OTOGL: variants seen among roughly 807,000 people sequenced by gnomAD.
OTOGL encodes the protein otogelin like.
In OTOGL, 285 loss-of-function variants were observed where a neutral mutation model predicts 318.5. The ratio of observed to expected loss-of-function variants is 0.89; its 90% CI spans 0.81 to 0.99. The LOEUF (loss-of-function observed/expected upper bound fraction) is 0.99, where lower values mean the gene tolerates loss of function less well. OTOGL is among the 50% of genes least tolerant of loss of function. The pLI is 0.00. For missense variants in OTOGL, 2,899 were observed against 2,845.6 expected (o/e 1.02, Z -0.43); for synonymous variants, 987 against 936.5 (o/e 1.05, Z -0.99).
In OTOGL at chr12:80,320,610, T is replaced by G; in HGVS notation, c.3991T>G (p.Phe1331Val). Residue 1331 changes from phenylalanine (F) to valine (V), a missense_variant, in exon 34 of 59, where the codon TTT becomes GTT. Around this residue, in one of 3 missense-constraint regions of OTOGL, gnomAD observed 2,607 missense variants for 2,524.9 expected, o/e 1.03. Transcript: ENST00000547103. The stretch of plus-strand genomic sequence containing the variant: ...ATTTGAGTTATACAGCAAGAAAGGC[T>G]TTTTCATCATATTCACAGATTCTAG... ...SAFELYSKKG[F>V]FIIFTDSSVK... is the part of the protein sequence containing the mutation. 1 of 1,612,054 alleles carries G rather than the reference T, an allele frequency of 6.2e-7. No individual in the cohort carries two copies. The highest frequency in any genetic ancestry group is 1.1e-5 in the South Asian group (1 of 90,772).
intron 20 of OTOGL, chr12:80,266,046 T>C (rs1377575464): frequency 6.4e-6 from 1 of 156,226 alleles, no homozygotes; most frequent in Non-Finnish European, 1.4e-5. Flanking sequence ...GGTTGACAAG[T>C]TACAACCACT....
intron 26 of OTOGL, among the ~76,000 whole-genome samples, chr12:80,289,314 T>C (rs2137670372): frequency 6.6e-6 from 1 of 152,284 alleles, no homozygotes; most frequent in South Asian, 2.1e-4. Context: ...AGAGCTCTCC[T>C]GTATGAAGTG....
At chr12:80,362,072 G>A (rs1171707622) in intron 52 of OTOGL, among the ~76,000 whole-genome samples, 1 of 152,064 alleles carries the variant, frequency 6.6e-6, no homozygotes, top group East Asian at 1.9e-4. Flanking sequence ...ATATCCTGGA[G>A]CTTTTCCTCT....
At chr12:80,335,752 A>G (rs1370318153) in intron 38 of OTOGL, among the ~76,000 whole-genome samples, 3 of 152,150 alleles carry the variant, frequency 2.0e-5, no homozygotes, top group East Asian at 1.9e-4. Flanking sequence ...TGTCCAATCA[A>G]TATTAAGTTA....
intron 57 of OTOGL, among the ~76,000 whole-genome samples, chr12:80,373,323 T>C (rs1890993749): frequency 6.6e-6 from 1 of 152,104 alleles, no homozygotes; most frequent in Admixed American, 6.6e-5. Context: ...TCCCAGCTAC[T>C]TGGGAGGCTG....
At chr12:80,221,900 C>G (rs1010136628) in intron 6 of OTOGL, among the ~76,000 whole-genome samples, 191 bp from the exon 7 acceptor site, 2 of 151,966 alleles carry the variant, frequency 1.3e-5, no homozygotes, top group Non-Finnish European at 2.9e-5. Context: ...ACTTGGAGAC[C>G]CTGTTTTTCT....
At chr12:80,347,295 C>T (rs1732523375) in intron 44 of OTOGL, among the ~76,000 whole-genome samples, 1 of 152,116 alleles carries the variant, frequency 6.6e-6, no homozygotes, top group Admixed American at 6.5e-5. Context: ...TCTCCCTCCC[C>T]TAGTCCCCCA....
intron 27 of OTOGL, among the ~76,000 whole-genome samples, chr12:80,298,223 G>T (rs1885538599): frequency 6.6e-6 from 1 of 152,186 alleles, no homozygotes; most frequent in Non-Finnish European, 1.5e-5. Flanking sequence ...GAAGCATGGT[G>T]TCCTATGGTA....
intron 43 of OTOGL, among the ~76,000 whole-genome samples, chr12:80,339,889 G>A (rs1393804762): frequency 1.3e-5 from 2 of 152,118 alleles, no homozygotes; most frequent in African/African-American, 4.8e-5. Context: ...AGAAATATCT[G>A]TAGGTACATA....
rs900865851 is a variant in OTOGL, at chr12:80,147,265, C to A, written c.-20+47660C>A. Among the ~76,000 whole-genome samples, 192 of 147,928 alleles carry A rather than the reference C, an allele frequency of 1.3e-3. 3 individuals carry two copies. Among genetic ancestry groups the A allele is most frequent in the Non-Finnish European group, 2.4e-3 (164 of 67,142 alleles). On this transcript the variant is annotated intron_variant, in intron 1 of 58. Transcript: ENST00000547103. The stretch of plus-strand genomic sequence containing the variant: ...TTCTGGTATGTTGTGTCTTTGTTCT[C>A]GTTGGTTTCAAAGAACATCTTTATT...
At chr12:80,218,847 T>G (rs1357714515) in intron 5 of OTOGL, among the ~76,000 whole-genome samples, 2 of 142,130 alleles carry the variant, frequency 1.4e-5, no homozygotes, top group East Asian at 4.1e-4. Flanking sequence ...CAGGCTGGAG[T>G]GCAGTGGCGC....
intron 29 of OTOGL, among the ~76,000 whole-genome samples, chr12:80,308,536 G>A (rs1332198917): frequency 2.7e-4 from 41 of 151,758 alleles, no homozygotes; most frequent in Middle Eastern, 3.4e-3. Flanking sequence ...GCGGCCAGGC[G>A]GAGACGCTCC....
At chr12:80,179,816 C>T (rs1380428154) in intron 1 of OTOGL, among the ~76,000 whole-genome samples, 3 of 152,188 alleles carry the variant, frequency 2.0e-5, no homozygotes, top group Non-Finnish European at 4.4e-5. Flanking sequence ...CAGTGAGCAT[C>T]CATCATGTAT....
Position 80,358,891 on chromosome 12 carries a change from T to C in OTOGL, c.6258T>C (p.Thr2086=), listed in dbSNP as rs574184125. 14 of 1,496,658 alleles carry C rather than the reference T, an allele frequency of 9.4e-6. No homozygotes were observed. The African/African-American group carries it at 9.7e-5, about 10-fold the overall frequency. 92.7% of individuals were successfully genotyped at this position (1,496,658 alleles called of 1,614,324 possible). A position where few individuals can be genotyped will look rare whatever the true frequency, so the allele number is the denominator to read the frequency against. Reference sequence around the variant, plus strand: ...ACTGTGAAAACCTTATTATGCCAACTTGTGAAGTGGTAAGAACACATATTT... The same window carrying C: ...ACTGTGAAAACCTTATTATGCCAACCTGTGAAGTGGTAAGAACACATATTT... The part of the protein sequence containing the change: ...ECNCENLIMP[T]CEVGEFTAID... The change falls in exon 52 of 59, where the codon ACT becomes ACC. Residue 2086 remains threonine, a synonymous_variant. Coordinates refer to ENST00000547103, the MANE Select transcript of OTOGL (RefSeq NM_001378609.3).
chr12:80,232,208 G>C (rs918308280), intron 8 of OTOGL, among the ~76,000 whole-genome samples: 1 of 152,048 alleles, frequency 6.6e-6, no homozygotes, highest in African/African-American at 2.4e-5. Context: ...AGCCCAAAAG[G>C]TATCCAATTT....
At chr12:80,141,539 C>A (rs948947486) in intron 1 of OTOGL, among the ~76,000 whole-genome samples, 1 of 152,032 alleles carries the variant, frequency 6.6e-6, no homozygotes, top group African/African-American at 2.4e-5. Flanking sequence ...CAGAAGAGCT[C>A]AATACACATG....
chr12:80,290,303 G>A (rs1054669090), intron 26 of OTOGL, among the ~76,000 whole-genome samples: 3 of 151,786 alleles, frequency 2.0e-5, no homozygotes, highest in Non-Finnish European at 4.4e-5. Flanking sequence ...CATTGGTCTC[G>A]GTGGGAGCTG....
At chr12:80,341,128 G>A (rs1424429407) in intron 43 of OTOGL, among the ~76,000 whole-genome samples, 1 of 152,016 alleles carries the variant, frequency 6.6e-6, no homozygotes, top group African/African-American at 2.4e-5. Flanking sequence ...TTAAAGTCGG[G>A]TGGGATTTGG....
At chr12:80,175,739 A>G (rs961651747) in intron 1 of OTOGL, among the ~76,000 whole-genome samples, 4 of 152,300 alleles carry the variant, frequency 2.6e-5, no homozygotes, top group South Asian at 4.1e-4. Flanking sequence ...TGATGAAACC[A>G]GTATCAAGGT....
Sources: allele counts gnomAD v4.1 joint callset (sites outside exome capture counted in the v4.1 genomes callset), GRCh38; gene constraint gnomAD v4.1.1; regional missense constraint gnomAD v4.1.1; transcripts MANE v1.5; gene names NCBI Gene and HGNC (gene_info 2026-07-23, HGNC 2026-07-21).